WWTR1: variants seen among roughly 807,000 people sequenced by gnomAD.
The protein encoded by WWTR1 is WW domain containing transcription regulator 1, also known as WW domain-containing transcription regulator protein 1.
In WWTR1, 13 loss-of-function variants were observed where a neutral mutation model predicts 40.1. That is an observed-to-expected ratio of 0.32 (90% CI 0.21 to 0.52). The LOEUF (loss-of-function observed/expected upper bound fraction) is 0.52, where lower values mean the gene tolerates loss of function less well. Ranked by LOEUF, WWTR1 falls within the 20% of genes least tolerant of loss-of-function variation. The pLI is 0.97. For missense variants in WWTR1, 436 were observed against 523.1 expected, an observed-to-expected ratio of 0.83 and a Z score of 1.63; for synonymous variants, 230 against 210.1, an observed-to-expected ratio of 1.09 and a Z score of -0.82.
At chr3:149,583,752 A>T (rs1358204073) in intron 2 of WWTR1, among the ~76,000 whole-genome samples, 2 of 152,194 alleles carry the variant, frequency 1.3e-5, no homozygotes, top group Non-Finnish European at 2.9e-5. Flanking sequence ...TTCAACATGC[A>T]TACGGTGATG....
Position 149,690,206 on chromosome 3 carries a change from A to AGAAG in WWTR1, c.-108+12914_-108+12917dup, listed in dbSNP as rs552985208. On this transcript the variant is annotated intron_variant, in intron 1 of 7. Transcript: ENST00000465804. ...ATTTTCACAAAAAGGAAGACAGAAA[A>AGAAG]GAAGGAAGGAAGGGAGATAAAACCA... is the stretch of plus-strand genomic sequence containing the variant. 3.5e-3 allele frequency among the ~76,000 whole-genome samples: 536 copies of AGAAG among 152,292 alleles called. 3 individuals are homozygous for AGAAG. Among genetic ancestry groups the AGAAG allele is most frequent in the African/African-American group, 0.013 (525 of 41,574 alleles).
intron 2 of WWTR1, among the ~76,000 whole-genome samples, chr3:149,618,628 G>A (rs1358172106): frequency 6.6e-6 from 1 of 152,202 alleles, no homozygotes; most frequent in Non-Finnish European, 1.5e-5. Context: ...AAGATGTAAT[G>A]TCAGATGTGA....
At chr3:149,661,919 G>T (rs1028505027), upstream of WWTR1, among the ~76,000 whole-genome samples, 5 of 151,786 alleles carry the variant, frequency 3.3e-5, no homozygotes, top group East Asian at 1.9e-4. Flanking sequence ...ATTTAGTAGA[G>T]ACGGGGTTTC....
intron 5 of WWTR1, among the ~76,000 whole-genome samples, chr3:149,709,841 T>C (rs1048553540): frequency 6.6e-6 from 1 of 151,614 alleles, no homozygotes; most frequent in Non-Finnish European, 1.5e-5. Flanking sequence ...CAGGCGGAGG[T>C]TGCAGTGAGC....
At chr3:149,627,400 G>C (rs939118115) in intron 2 of WWTR1, among the ~76,000 whole-genome samples, 1 of 152,148 alleles carries the variant, frequency 6.6e-6, no homozygotes, top group African/African-American at 2.4e-5. Context: ...ATGAGCAGAG[G>C]AACACGAAAT....
intron 2 of WWTR1, among the ~76,000 whole-genome samples, chr3:149,663,369 C>T: frequency 6.6e-6 from 1 of 151,942 alleles, no homozygotes; most frequent in Non-Finnish European, 1.5e-5. Context: ...CCCAACTGGA[C>T]TGTAAATAGC....
intron 3 of WWTR1, among the ~76,000 whole-genome samples, chr3:149,566,591 C>T (rs1404889567): frequency 6.6e-6 from 1 of 152,106 alleles, no homozygotes; most frequent in Non-Finnish European, 1.5e-5. Flanking sequence ...AAAAGGAAAA[C>T]ATAAGATGCC....
intron 4 of WWTR1, among the ~76,000 whole-genome samples, chr3:149,534,948 C>T (rs1342601126): frequency 6.6e-6 from 1 of 152,212 alleles, no homozygotes; most frequent in Non-Finnish European, 1.5e-5. Flanking sequence ...AACCTCCTCT[C>T]CTTCTAGGTC....
At chr3:149,566,316 C>T (rs1344797717) in intron 3 of WWTR1, among the ~76,000 whole-genome samples, 1 of 152,074 alleles carries the variant, frequency 6.6e-6, no homozygotes, top group African/African-American at 2.4e-5. Flanking sequence ...AACTTTCCAC[C>T]ACAACAATCC....
chr3:149,649,799 C>T (rs1176079762), intron 2 of WWTR1: 1 of 152,012 alleles, frequency 6.6e-6, no homozygotes, highest in African/African-American at 2.4e-5. Flanking sequence ...TGCCTATAAT[C>T]CCAGCTAGTC....
Position 149,645,330 on chromosome 3 carries a change from C to T in WWTR1, c.431+11546G>A, listed in dbSNP as rs997028579. On this transcript the variant is annotated intron_variant, in intron 2 of 6. Transcript: ENST00000360632. ...TCCTGACCTCGTGATCTGCCCGCCT[C>T]GGCCTCCCAAAGTGCTGGGATTACA... Among the ~76,000 whole-genome samples, 8 of 152,078 alleles carry T rather than the reference C, an allele frequency of 5.3e-5. 1 individual carries two copies. The highest frequency in any genetic ancestry group is 3.3e-4 in the Admixed American group (5 of 15,260).
chr3:149,539,472 C>A (rs1391128669), intron 4 of WWTR1, among the ~76,000 whole-genome samples: 2 of 152,080 alleles, frequency 1.3e-5, no homozygotes. Context: ...AGGGCCTGGG[C>A]CCCAAGAAGA....
chr3:149,680,837 G>A (rs988515584), intron 1 of WWTR1, among the ~76,000 whole-genome samples: 9 of 152,078 alleles, frequency 5.9e-5, no homozygotes, highest in African/African-American at 2.2e-4. Flanking sequence ...GCAAGGCCCT[G>A]TCTCTGAAAT....
intron 1 of WWTR1, among the ~76,000 whole-genome samples, chr3:149,690,358 T>G (rs1334867200): frequency 6.6e-6 from 1 of 152,004 alleles, no homozygotes; most frequent in Non-Finnish European, 1.5e-5. Context: ...CCCAATTATC[T>G]GTTACCTACA....
chr3:149,568,807 C>A (rs1457694583), intron 3 of WWTR1, among the ~76,000 whole-genome samples: 2 of 152,186 alleles, frequency 1.3e-5, no homozygotes, highest in South Asian at 2.1e-4. Flanking sequence ...CGCTCTGTCG[C>A]CCAGGCTGGA....
At chr3:149,624,619 C>CTAAAATA (rs1740460372) in intron 2 of WWTR1, among the ~76,000 whole-genome samples, 5 of 152,234 alleles carry the variant, frequency 3.3e-5, no homozygotes. Context: ...CTGCATCCTT[C>CTAAAATA]TAAAATAACA....
chr3:149,719,263 C>T (rs997344536), intron 4 of WWTR1, among the ~76,000 whole-genome samples: 1 of 151,832 alleles, frequency 6.6e-6, no homozygotes, highest in Admixed American at 6.6e-5. Context: ...CTCTGCCTCC[C>T]GAGTTCAAGT....
intron 1 of WWTR1, among the ~76,000 whole-genome samples, chr3:149,676,467 G>A (rs938900434): frequency 4.6e-5 from 7 of 151,950 alleles, no homozygotes; most frequent in African/African-American, 1.7e-4. Flanking sequence ...TTTGCGGAAA[G>A]AAGGAACAAG....
At chr3:149,664,534 C>G (rs1426653951) in intron 2 of WWTR1, among the ~76,000 whole-genome samples, 5 of 151,440 alleles carry the variant, frequency 3.3e-5, no homozygotes, top group Non-Finnish European at 7.4e-5. Flanking sequence ...AAATGCATCA[C>G]TGGCATGATG....
Sources: gnomAD v4.1 joint callset for allele counts (sites outside exome capture counted in the v4.1 genomes callset) on GRCh38, gnomAD v4.1.1 for gene constraint, MANE v1.5 for transcripts, NCBI Gene and HGNC (gene_info 2026-07-23, HGNC 2026-07-21) for gene names.